DYSF: variants seen among roughly 807,000 people sequenced by gnomAD.
DYSF encodes the protein dysferlin, also known as dystrophy-associated fer-1-like 1.
DYSF carries 212 observed loss-of-function variants against 274.9 expected under a neutral mutation model. That is an observed-to-expected ratio of 0.77 (90% confidence interval 0.69 to 0.86). DYSF has a LOEUF of 0.86. DYSF is among the 40% of genes least tolerant of loss of function. The probability of loss-of-function intolerance (pLI) is 0.00; values close to 1 mark genes in which losing one functional copy is unlikely to be tolerated. For synonymous variants in DYSF, 1,091 were observed against 1,078.7 expected (o/e 1.01, Z -0.22); for missense variants, 2,666 against 2,783.2 (o/e 0.96, Z 0.95).
intron 42 of DYSF, among the ~76,000 whole-genome samples, chr2:71,652,029 A>AT (rs201689781): frequency 0.022 from 3,414 of 152,350 alleles, 82 homozygotes; most frequent in African/African-American, 0.064. Context: ...AACAGCCAAC[A>AT]TCCAACTTCA....
chr2:71,514,729 T>C (rs1272676179), intron 7 of DYSF, among the ~76,000 whole-genome samples: 2 of 152,232 alleles, frequency 1.3e-5, no homozygotes, highest in African/African-American at 4.8e-5. Context: ...ATATTTCTAT[T>C]CTAAATCATG....
chr2:71,638,913 T>G (rs558697181), intron 41 of DYSF, among the ~76,000 whole-genome samples: 34 of 152,340 alleles, frequency 2.2e-4, no homozygotes, highest in South Asian at 4.1e-4. Context: ...TGCCAAACTG[T>G]TTTTCAAAGT....
At chr2:71,677,606 G>A (rs2095242458) in intron 52 of DYSF, among the ~76,000 whole-genome samples, 1 of 152,106 alleles carries the variant, frequency 6.6e-6, no homozygotes, top group Non-Finnish European at 1.5e-5. Flanking sequence ...GGTGGTAGAT[G>A]AAAAAGACTG....
intron 17 of DYSF, among the ~76,000 whole-genome samples, chr2:71,546,213 T>C (rs1278576568): frequency 6.6e-6 from 1 of 152,248 alleles, no homozygotes; most frequent in East Asian, 1.9e-4. Flanking sequence ...TCAGAACGCG[T>C]CGCTCCAACT....
At chr2:71,542,033 G>A (rs1355451373) in intron 17 of DYSF, among the ~76,000 whole-genome samples, 2 of 152,232 alleles carry the variant, frequency 1.3e-5, no homozygotes, top group Non-Finnish European at 2.9e-5. Flanking sequence ...TGAAGGCAGA[G>A]TGGGGGAGTG....
chr2:71,554,037 C>A (rs980170584), intron 21 of DYSF, 106 bp downstream of exon 21: 3 of 1,454,434 alleles, frequency 2.1e-6, no homozygotes, highest in African/African-American at 2.8e-5. Context: ...CACTGACACA[C>A]GGCTGTGCCT....
At chr2:71,493,363 C>G (rs2084049142) in intron 3 of DYSF, among the ~76,000 whole-genome samples, 1 of 152,084 alleles carries the variant, frequency 6.6e-6, no homozygotes, top group South Asian at 2.1e-4. Flanking sequence ...GGAACGTTTC[C>G]TTAGTCTTTG....
At chr2:71,666,575 T>C (rs1558776050) in intron 47 of DYSF, among the ~76,000 whole-genome samples, 1 of 152,190 alleles carries the variant, frequency 6.6e-6, no homozygotes, top group African/African-American at 2.4e-5. Flanking sequence ...TCCAAGTTCA[T>C]GTTGTTGGAT....
chr2:71,667,255 GC>G, intron 47 of DYSF, 120 bp from the exon 48 acceptor site: 1 of 1,423,790 alleles, frequency 7.0e-7, no homozygotes, highest in Non-Finnish European at 9.9e-7. Flanking sequence ...TGGGGGTGAG[GC>G]TGCGGGGGTT....
intron 32 of DYSF, among the ~76,000 whole-genome samples, chr2:71,592,668 G>C (rs2093302411): frequency 6.6e-6 from 1 of 152,240 alleles, no homozygotes; most frequent in African/African-American, 2.4e-5. Context: ...GCAGCTTCCA[G>C]CTGCCTGCCG....
At chr2:71,495,745 C>T (rs1329054884) in intron 3 of DYSF, among the ~76,000 whole-genome samples, 1 of 152,144 alleles carries the variant, frequency 6.6e-6, no homozygotes, top group East Asian at 1.9e-4. Context: ...TGCACACCCA[C>T]ATTCTTCAGC....
At chr2:71,584,609 G>A (rs1026881732) in intron 30 of DYSF, among the ~76,000 whole-genome samples, 3 of 152,226 alleles carry the variant, frequency 2.0e-5, no homozygotes, top group South Asian at 2.1e-4. Flanking sequence ...GGCTTAGGGC[G>A]AGGGAATTCT....
At chr2:71,593,098 A>T (rs1457655755) in intron 32 of DYSF, among the ~76,000 whole-genome samples, 1 of 150,740 alleles carries the variant, frequency 6.6e-6, no homozygotes, top group Non-Finnish European at 1.5e-5. Context: ...CATAAAAAAC[A>T]TAAAGTGATA....
At chr2:71,551,209 C>A in intron 18 of DYSF, 53 bp downstream of exon 18, 1 of 1,575,540 alleles carries the variant, frequency 6.3e-7, no homozygotes, top group Non-Finnish European at 8.7e-7. Flanking sequence ...CCAGGTCCCT[C>A]AGGAGCCCAG....
At chr2:71,565,998 T>G (rs1021527481) in intron 24 of DYSF, among the ~76,000 whole-genome samples, 1 of 151,044 alleles carries the variant, frequency 6.6e-6, no homozygotes, top group East Asian at 1.9e-4. Flanking sequence ...TGAGTGTGTC[T>G]GTGTGTGTGT....
chr2:71,623,454 C>A (rs919396573), intron 41 of DYSF, among the ~76,000 whole-genome samples: 31 of 151,736 alleles, frequency 2.0e-4, no homozygotes, highest in African/African-American at 5.3e-4. Context: ...CGATAGTTTA[C>A]TGATTAAAAG....
chr2:71,560,675 C>T (rs966456174), intron 22 of DYSF, among the ~76,000 whole-genome samples: 1 of 151,904 alleles, frequency 6.6e-6, no homozygotes, highest in African/African-American at 2.4e-5. Context: ...TATCTGGCGG[C>T]GGCGGTGCCG....
intron 29 of DYSF, 95 bp from the exon 30 acceptor site, chr2:71,574,103 T>C (rs1426184912): frequency 2.0e-6 from 3 of 1,485,424 alleles, no homozygotes; most frequent in Non-Finnish European, 2.8e-6. Flanking sequence ...TGGTGGGGAG[T>C]TGTCATGGAA....
intron 17 of DYSF, among the ~76,000 whole-genome samples, chr2:71,543,882 AGGGAGAGGGAGAGGGAGACCGTG>A (rs1473090043): frequency 7.2e-6 from 1 of 138,740 alleles, no homozygotes; most frequent in Non-Finnish European, 1.5e-5. Context: ...CCGTGGGGAG[AGGGAGAGGGAGAGGGAGACCGTG>A]GGGAGAGGGG....
Sources: allele counts gnomAD v4.1 joint callset (sites outside exome capture counted in the v4.1 genomes callset), GRCh38; gene constraint gnomAD v4.1.1; transcripts MANE v1.5; gene names NCBI Gene and HGNC (gene_info 2026-07-23, HGNC 2026-07-21).